Variants in BPTF observed in about 807,000 individuals in gnomAD.
BPTF encodes bromodomain PHD finger transcription factor.
A neutral mutation model predicts 292.5 loss-of-function variants in BPTF; 18 were observed. The ratio of observed to expected loss-of-function variants is 0.06; its 90% CI spans 0.04 to 0.09. The LOEUF (loss-of-function observed/expected upper bound fraction) is 0.09, where lower values mean the gene tolerates loss of function less well. Among genes scored for constraint, BPTF ranks in the 10% least tolerant of loss-of-function variants. BPTF has a pLI of 1.00. For synonymous variants in BPTF, 1,225 were observed against 1,251.9 expected (o/e 0.98, Z 0.45); for missense variants, 2,726 against 3,498.7 (o/e 0.78, Z 5.57).
intron 1 of BPTF, among the ~76,000 whole-genome samples, chr17:67,842,971 TG>T (rs1035533535): frequency 6.6e-6 from 1 of 151,676 alleles, no homozygotes; most frequent in African/African-American, 2.4e-5. Flanking sequence ...AAATGGTATC[TG>T]GGAAAATGTA....
At position 67,847,140 on chromosome 17, in the gene BPTF, T is replaced by C. The variant is rs147639955; in HGVS notation, c.614-6800T>C. Among the ~76,000 whole-genome samples the C allele has an allele frequency of 4.9e-4, 74 of 152,354 alleles. 1 individual carries two copies. The East Asian group carries it at 0.013, about 28-fold the overall frequency. ...TTTGAAAGGAAGTAATAATGGTATC[T>C]ATTTTATGGAGTTGATCTGAGGATA... is the stretch of plus-strand genomic sequence containing the variant. On this transcript the variant is annotated intron_variant, in intron 1 of 27. Transcript: ENST00000306378.
chr17:67,880,596 T>A (rs940026491), intron 4 of BPTF, among the ~76,000 whole-genome samples: 6 of 152,290 alleles, frequency 3.9e-5, no homozygotes, highest in African/African-American at 1.4e-4. Context: ...TTGCTTAATA[T>A]TCAAACATTT....
rs765262200 is a variant in BPTF, at chr17:67,918,843, G to A, written c.5428+5G>A. 7.4e-6 allele frequency: 12 copies of A among 1,612,360 alleles called. No homozygotes were observed. In the Admixed American group the frequency reaches 1.8e-4, roughly 25 times the overall value. On this transcript the variant is annotated splice_donor_5th_base_variant and intron_variant, in intron 12 of 27. Coordinates refer to ENST00000306378, the MANE Select transcript of BPTF (RefSeq NM_182641.4). Reference sequence around the variant, plus strand: ...GAGGAGGGACTACACGGACAGGTAAGGGGGAAGGGAGTTATTTTCTAATTT... The same window carrying A: ...GAGGAGGGACTACACGGACAGGTAAAGGGGAAGGGAGTTATTTTCTAATTT...
chr17:67,928,235 C>G lies in BPTF; in HGVS notation c.5752-120C>G, dbSNP rs2064081970. ...ATATATTCTTTTTGGAAGTAAAATACTTCAGAAATGTAGTGGAATTTCTTA... is the reference window on the plus strand; with the variant it reads ...ATATATTCTTTTTGGAAGTAAAATAGTTCAGAAATGTAGTGGAATTTCTTA... On this transcript the variant is annotated intron_variant, in intron 15 of 27. Coordinates refer to ENST00000306378, the MANE Select transcript of BPTF (RefSeq NM_182641.4). 5 of 1,121,132 alleles carry G rather than the reference C, an allele frequency of 4.5e-6. 1 individual carries two copies. In the South Asian group the frequency reaches 8.5e-5, roughly 19 times the overall value. 69.4% of individuals were successfully genotyped at this position (1,121,132 alleles called of 1,614,324 possible). A position where few individuals can be genotyped will look rare whatever the true frequency, so the allele number is the denominator to read the frequency against.
chr17:67,909,073 G>T (rs1417237112), intron 9 of BPTF, among the ~76,000 whole-genome samples: 1 of 151,894 alleles, frequency 6.6e-6, no homozygotes, highest in African/African-American at 2.4e-5. Flanking sequence ...GACCTCAGGT[G>T]ATGCACCCAC....
At chr17:67,879,623 A>C (rs1031696708) in intron 4 of BPTF, among the ~76,000 whole-genome samples, 1 of 152,084 alleles carries the variant, frequency 6.6e-6, no homozygotes, top group Non-Finnish European at 1.5e-5. Flanking sequence ...TTCTTTGGCT[A>C]TGTGGTTTTG....
intron 21 of BPTF, among the ~76,000 whole-genome samples, chr17:67,947,050 G>A (rs540890151): frequency 2.1e-4 from 32 of 152,132 alleles, no homozygotes; most frequent in Admixed American, 1.0e-3. Flanking sequence ...TTCACAGTCC[G>A]TGAAACTCAC....
At chr17:67,980,724 G>A (rs567445703) in intron 27 of BPTF, among the ~76,000 whole-genome samples, 1 of 152,310 alleles carries the variant, frequency 6.6e-6, no homozygotes, top group East Asian at 1.9e-4. Context: ...CCTAGGCTGG[G>A]CCTGCACAGT....
At chr17:67,890,978 A>G (rs915835256) in intron 4 of BPTF, among the ~76,000 whole-genome samples, 30 of 151,976 alleles carry the variant, frequency 2.0e-4, no homozygotes, top group African/African-American at 7.3e-4. Flanking sequence ...ATGTATACAA[A>G]TTTTTCCAGC....
chr17:67,890,568 TTGTC>T (rs1294266150), intron 4 of BPTF, among the ~76,000 whole-genome samples: 2 of 152,182 alleles, frequency 1.3e-5, no homozygotes, highest in Admixed American at 6.5e-5. Flanking sequence ...GTGGTGTGCT[TTGTC>T]TGGCCACGCT....
intron 2 of BPTF, among the ~76,000 whole-genome samples, chr17:67,858,687 C>A (rs372440339): frequency 9.2e-5 from 14 of 152,188 alleles, no homozygotes; most frequent in African/African-American, 3.1e-4. Flanking sequence ...GTCACGTTCA[C>A]GCAGTCTCAA....
In BPTF at chr17:67,911,690, T is replaced by C. The variant is rs746870552; in HGVS notation, c.3806T>C (p.Leu1269Pro). 1.2e-6 allele frequency: 2 copies of C among 1,614,054 alleles called. No homozygotes were observed. The highest frequency in any genetic ancestry group is 1.7e-5 in the Admixed American group (1 of 59,994). ...ACCAATGACAGAGATGCCACACCTC[T>C]GTCAAGAGCAATGGACTTTGAAGGA... ...KSTNDRDATP[L>P]SRAMDFEGKL... The change falls in exon 11 of 28, where the codon CTG becomes CCG. Residue 1269 changes from leucine (L) to proline (P), a missense_variant. Coordinates refer to ENST00000306378, the MANE Select transcript of BPTF (RefSeq NM_182641.4).
At chr17:67,923,747 T>A (rs2063634487) in intron 14 of BPTF, among the ~76,000 whole-genome samples, 1 of 152,092 alleles carries the variant, frequency 6.6e-6, no homozygotes, top group African/African-American at 2.4e-5. Context: ...CCCAAAGTGC[T>A]GGGATTACAA....
intron 7 of BPTF, 97 bp downstream of exon 7, chr17:67,894,262 A>G (rs1297964995): frequency 7.9e-7 from 1 of 1,269,894 alleles, no homozygotes; most frequent in African/African-American, 1.5e-5. Context: ...AAGAGGCCAT[A>G]TTGAAGACTT....
At chr17:67,942,006 A>T (rs2065406872) in intron 19 of BPTF, among the ~76,000 whole-genome samples, 4 of 152,198 alleles carry the variant, frequency 2.6e-5, no homozygotes, top group Non-Finnish European at 5.9e-5. Flanking sequence ...TCAATAGGAA[A>T]AAAGACAAAC....
intron 13 of BPTF, among the ~76,000 whole-genome samples, chr17:67,922,469 G>A (rs1298930822): frequency 6.6e-6 from 1 of 152,186 alleles, no homozygotes. Flanking sequence ...TTGAATTCAT[G>A]TTGGGGTCCA....
chr17:67,968,702 G>A (rs1320156322), intron 26 of BPTF, among the ~76,000 whole-genome samples: 1 of 150,612 alleles, frequency 6.6e-6, no homozygotes, highest in Non-Finnish European at 1.5e-5. Context: ...GCAGGAGAAT[G>A]ACGTGAACCC....
chr17:67,889,181 G>A (rs1025411393), intron 4 of BPTF, among the ~76,000 whole-genome samples: 6 of 152,120 alleles, frequency 3.9e-5, no homozygotes, highest in African/African-American at 1.4e-4. Context: ...TTTATAATAG[G>A]AGGAATATGG....
chr17:67,951,322 T>C (rs1370311004), intron 23 of BPTF: 1 of 152,110 alleles, frequency 6.6e-6, no homozygotes, highest in African/African-American at 2.4e-5. Context: ...AAAAATCTTA[T>C]TTTGCAGATT....
Sources: allele counts gnomAD v4.1 joint callset (sites outside exome capture counted in the v4.1 genomes callset), GRCh38; gene constraint gnomAD v4.1.1; transcripts MANE v1.5; gene names NCBI Gene and HGNC (gene_info 2026-07-23, HGNC 2026-07-21).